Variants in PLCXD3 observed in about 807,000 individuals in gnomAD.
PLCXD3 encodes PI-PLC X domain-containing protein 3.
A neutral mutation model predicts 25.5 loss-of-function variants in PLCXD3; 19 were observed. That is an observed-to-expected ratio of 0.75 (90% CI 0.52 to 1.09). PLCXD3 has a LOEUF of 1.09. Ranked by LOEUF, PLCXD3 falls within the 50% of genes least tolerant of loss-of-function variation. The pLI, the probability that PLCXD3 is intolerant of heterozygous loss-of-function variation, is 0.00. For missense variants in PLCXD3, 411 were observed against 388.1 expected (o/e 1.06, Z -0.50); for synonymous variants, 174 against 137.6 (o/e 1.26, Z -1.85).
At chr5:41,426,343 GA>G (rs201189584) in intron 1 of PLCXD3, among the ~76,000 whole-genome samples, 1,788 of 151,872 alleles carry the variant, frequency 0.012, 9 homozygotes, top group Non-Finnish European at 0.019. Flanking sequence ...TTATATCAAT[GA>G]ATTTGAATTT....
intron 1 of PLCXD3, among the ~76,000 whole-genome samples, chr5:41,412,276 C>T (rs1034104029): frequency 6.6e-6 from 1 of 152,238 alleles, no homozygotes; most frequent in Admixed American, 6.5e-5. Context: ...AGTCTTCAAA[C>T]ATTGTTTAAA....
intron 1 of PLCXD3, among the ~76,000 whole-genome samples, chr5:41,426,139 G>A (rs1165736663): frequency 6.6e-6 from 1 of 151,934 alleles, no homozygotes; most frequent in African/African-American, 2.4e-5. Context: ...CTGGATTTGG[G>A]TCATTCTAAT....
chr5:41,426,613 C>G (rs1019247444), intron 1 of PLCXD3, among the ~76,000 whole-genome samples: 1 of 151,862 alleles, frequency 6.6e-6, no homozygotes, highest in Non-Finnish European at 1.5e-5. Context: ...AATAATTATC[C>G]CTTTCCACTG....
intron 2 of PLCXD3, among the ~76,000 whole-genome samples, chr5:41,350,376 C>T (rs1357430523): frequency 6.6e-6 from 1 of 152,102 alleles, no homozygotes; most frequent in Non-Finnish European, 1.5e-5. Context: ...TCTTTACTTG[C>T]CCTGTTTCTC....
At chr5:41,466,322 G>C (rs907295004) in intron 1 of PLCXD3, among the ~76,000 whole-genome samples, 4 of 151,894 alleles carry the variant, frequency 2.6e-5, no homozygotes, top group African/African-American at 7.2e-5. Flanking sequence ...GCAATGTAGG[G>C]AGAAAAATCA....
chr5:41,399,062 A>T (rs1746099145), intron 1 of PLCXD3, among the ~76,000 whole-genome samples: 1 of 152,242 alleles, frequency 6.6e-6, no homozygotes, highest in Non-Finnish European at 1.5e-5. Context: ...CCAACAGTGA[A>T]CAATGGGAAA....
At chr5:41,499,169 CA>C (rs993596905) in intron 1 of PLCXD3, among the ~76,000 whole-genome samples, 3 of 150,142 alleles carry the variant, frequency 2.0e-5, no homozygotes, top group East Asian at 3.9e-4. Context: ...TTAGAAAAAA[CA>C]AAAAAGAAAG....
intron 1 of PLCXD3, among the ~76,000 whole-genome samples, chr5:41,495,051 T>A (rs1416481481): frequency 6.6e-6 from 1 of 152,260 alleles, no homozygotes; most frequent in Non-Finnish European, 1.5e-5. Flanking sequence ...TCCTCTATGA[T>A]AAATCCTGCA....
intron 1 of PLCXD3, among the ~76,000 whole-genome samples, chr5:41,432,709 A>G (rs1747146737): frequency 6.6e-6 from 1 of 152,188 alleles, no homozygotes; most frequent in African/African-American, 2.4e-5. Flanking sequence ...TGAGTAAATA[A>G]ATAGGAGCAA....
At chr5:41,324,579 T>G (rs977693036) in intron 2 of PLCXD3, among the ~76,000 whole-genome samples, 2 of 152,198 alleles carry the variant, frequency 1.3e-5, no homozygotes, top group Non-Finnish European at 2.9e-5. Flanking sequence ...TATCTTAAAA[T>G]GGACAATCTG....
At chr5:41,371,279 C>T (rs572634079) in intron 2 of PLCXD3, among the ~76,000 whole-genome samples, 11 of 152,188 alleles carry the variant, frequency 7.2e-5, no homozygotes, top group Admixed American at 2.6e-4. Flanking sequence ...TATTGAAAAA[C>T]GGGGAAAGAA....
Position 41,311,238 on chromosome 5 carries a change from C to T in PLCXD3, c.*2379G>A, listed in dbSNP as rs1484283266. 1 of 151,996 alleles carries T rather than the reference C, an allele frequency of 6.6e-6. No individual in the cohort carries two copies. Among genetic ancestry groups the T allele is most frequent in the Non-Finnish European group, 1.5e-5 (1 of 67,978 alleles). 9.4% of individuals were successfully genotyped at this position (151,996 alleles called of 1,614,324 possible). A position where few individuals can be genotyped will look rare whatever the true frequency, so the allele number is the denominator to read the frequency against. ...GGACATACATTTCAATAATCCTAAT[C>T]ATTTTAAAAGGATTCATATACATTT... On this transcript the variant is annotated 3_prime_UTR_variant, in exon 3 of 3. Coordinates refer to ENST00000377801, the MANE Select transcript of PLCXD3 (RefSeq NM_001005473.3).
chr5:41,349,503 A>G (rs968305828), intron 2 of PLCXD3, among the ~76,000 whole-genome samples: 4 of 152,200 alleles, frequency 2.6e-5, no homozygotes, highest in African/African-American at 9.6e-5. Context: ...AAAGGACATT[A>G]TCACTGAGAA....
intron 1 of PLCXD3, among the ~76,000 whole-genome samples, chr5:41,394,730 T>C (rs1483876369): frequency 6.6e-6 from 1 of 152,196 alleles, no homozygotes; most frequent in African/African-American, 2.4e-5. Context: ...AAGGTCACTA[T>C]ATAATGATAA....
chr5:41,456,608 T>C (rs1747759489), intron 1 of PLCXD3: 2 of 775,144 alleles, frequency 2.6e-6, no homozygotes, highest in Middle Eastern at 6.7e-4. Context: ...AATTCATATG[T>C]TGAAATCTGT....
Position 41,507,960 on chromosome 5 carries a change from G to A in PLCXD3, c.103+2464C>T, listed in dbSNP as rs558122081. Among the ~76,000 whole-genome samples the A allele has an allele frequency of 2.6e-5, 4 of 152,264 alleles. No individual in the cohort carries two copies. The South Asian group carries it at 6.2e-4, about 24-fold the overall frequency. ...TTTTCCTCCAAAAATTCTTAGTGCT[G>A]AGTAATGCAAAAAGGTGCCAAACCT... On this transcript the variant is annotated intron_variant, in intron 1 of 2. Coordinates refer to ENST00000377801, the MANE Select transcript of PLCXD3 (RefSeq NM_001005473.3).
chr5:41,481,040 A>G (rs1357346505), intron 1 of PLCXD3, among the ~76,000 whole-genome samples: 1 of 150,656 alleles, frequency 6.6e-6, no homozygotes, highest in Non-Finnish European at 1.5e-5. Flanking sequence ...TCAGAAAAAT[A>G]CCTACCAAAT....
In PLCXD3 at chr5:41,456,558, A is replaced by T. The variant is rs990689789; in HGVS notation, c.103+53866T>A. 6.3e-6 allele frequency: 6 copies of T among 946,428 alleles called. No homozygotes were observed. The Admixed American group carries it at 1.9e-4, about 29-fold the overall frequency. The allele number at this position is 946,428 out of a possible 1,614,324, so 58.6% of individuals were successfully genotyped here. ...ATCTCTAGACTTACCCATTTTATTAATGCTGGAAAGTAGATGTTTGTGTCC... is the reference window on the plus strand; with the variant it reads ...ATCTCTAGACTTACCCATTTTATTATTGCTGGAAAGTAGATGTTTGTGTCC... On this transcript the variant is annotated intron_variant, in intron 1 of 2. Coordinates refer to ENST00000377801, the MANE Select transcript of PLCXD3 (RefSeq NM_001005473.3).
At chr5:41,350,051 TG>T (rs1744408518) in intron 2 of PLCXD3, among the ~76,000 whole-genome samples, 1 of 152,096 alleles carries the variant, frequency 6.6e-6, no homozygotes, top group Non-Finnish European at 1.5e-5. Context: ...TGGGTGAAGT[TG>T]ATAAAGACCT....
Sources: gnomAD v4.1 joint callset for allele counts (sites outside exome capture counted in the v4.1 genomes callset) on GRCh38, gnomAD v4.1.1 for gene constraint, MANE v1.5 for transcripts, NCBI Gene and HGNC (gene_info 2026-07-23, HGNC 2026-07-21) for gene names.